Variants in H2BC26 observed in about 807,000 individuals in gnomAD.
H2BC26 encodes H2B clustered histone 26.
chr1:228,458,444 C>A, the H2BC26 span: 6 of 1,614,074 alleles, frequency 3.7e-6, no homozygotes, highest in Non-Finnish European at 5.1e-6. Context: ...TGCTGCCCGG[C>A]GAGCTGGCCA....
chr1:228,458,210 C>G, the H2BC26 span: 1 of 1,614,156 alleles, frequency 6.2e-7, no homozygotes. Flanking sequence ...AGAAGGACGG[C>G]AAGAAGCGCA....
At chr1:228,458,516 T>C in the H2BC26 span, 6 of 1,614,098 alleles carry the variant, frequency 3.7e-6, no homozygotes, top group South Asian at 5.5e-5. Flanking sequence ...AGTGAGGCGT[T>C]CCTCGGCGTC....
the H2BC26 span, chr1:228,458,227 G>A: frequency 6.2e-7 from 1 of 1,614,210 alleles, no homozygotes; most frequent in Non-Finnish European, 8.5e-7. Context: ...CGCAAGCGCG[G>A]CCGCAAGGAG....
the H2BC26 span, chr1:228,458,347 G>T: frequency 2.5e-6 from 4 of 1,614,126 alleles, no homozygotes; most frequent in African/African-American, 1.3e-5. Flanking sequence ...ATCTTCGAGC[G>T]CATCGCCAGC....
chr1:228,458,118 G>A, the H2BC26 span: 5 of 1,575,270 alleles, frequency 3.2e-6, no homozygotes, highest in Middle Eastern at 3.4e-4. Flanking sequence ...TGTTTGGAGA[G>A]ACTCAGCCAT....
chr1:228,458,256 T>C, the H2BC26 span: 2 of 1,614,154 alleles, frequency 1.2e-6, no homozygotes, highest in Non-Finnish European at 1.7e-6. Context: ...TATCTACGTG[T>C]ACAAGGTGCT....
At chr1:228,458,194 C>A in the H2BC26 span, 1 of 1,614,058 alleles carries the variant, frequency 6.2e-7, no homozygotes, top group Non-Finnish European at 8.5e-7. Flanking sequence ...GTCACCAAGG[C>A]ACAGAAGAAG....
At chr1:228,458,515 T>C in the H2BC26 span, 1 of 1,613,984 alleles carries the variant, frequency 6.2e-7, no homozygotes, top group Non-Finnish European at 8.5e-7. Context: ...AAGTGAGGCG[T>C]TCCTCGGCGT....
chr1:228,458,324 C>T, the H2BC26 span: 1 of 1,614,246 alleles, frequency 6.2e-7, no homozygotes, highest in South Asian at 1.1e-5. Flanking sequence ...TCATGAACTC[C>T]TTCGTCAATG....
At chr1:228,458,245 C>T in the H2BC26 span, 2 of 1,614,236 alleles carry the variant, frequency 1.2e-6, no homozygotes. Flanking sequence ...GAGAGCTATT[C>T]TATCTACGTG....
chr1:228,458,367 C>T, the H2BC26 span: 5 of 1,614,112 alleles, frequency 3.1e-6, no homozygotes, highest in Admixed American at 1.7e-5. Context: ...CGAGGCCTCC[C>T]GCCTGGCACA....
At chr1:228,458,218 G>A in the H2BC26 span, 2 of 1,614,172 alleles carry the variant, frequency 1.2e-6, no homozygotes, top group South Asian at 2.2e-5. Flanking sequence ...GGCAAGAAGC[G>A]CAAGCGCGGC....
chr1:228,458,173 C>CT, the H2BC26 span: 13 of 1,613,434 alleles, frequency 8.1e-6, no homozygotes, highest in Non-Finnish European at 1.1e-5. Flanking sequence ...AAGAAGGGTT[C>CT]TAAAAAGGCT....
At chr1:228,458,249 C>T in the H2BC26 span, 2 of 1,614,228 alleles carry the variant, frequency 1.2e-6, no homozygotes, top group Non-Finnish European at 1.7e-6. Context: ...GCTATTCTAT[C>T]TACGTGTACA....
the H2BC26 span, chr1:228,458,292 A>C: frequency 6.2e-7 from 1 of 1,614,238 alleles, no homozygotes; most frequent in South Asian, 1.1e-5. Context: ...CGACACCGGC[A>C]TCTCGTCCAA....
chr1:228,458,201 G>C, the H2BC26 span: 1 of 1,614,126 alleles, frequency 6.2e-7, no homozygotes, highest in Non-Finnish European at 8.5e-7. Context: ...AGGCACAGAA[G>C]AAGGACGGCA....
the H2BC26 span, chr1:228,458,513 C>T: frequency 1.9e-6 from 3 of 1,614,162 alleles, no homozygotes; most frequent in South Asian, 2.2e-5. Context: ...CCAAGTGAGG[C>T]GTTCCTCGGC....
chr1:228,458,459 C>T, the H2BC26 span: 7 of 1,614,182 alleles, frequency 4.3e-6, no homozygotes, highest in Non-Finnish European at 5.9e-6. Context: ...TGGCCAAGCA[C>T]GCCGTGTCCG....
At chr1:228,458,372 G>C in the H2BC26 span, 1 of 1,614,228 alleles carries the variant, frequency 6.2e-7, no homozygotes, top group Admixed American at 1.7e-5. Context: ...CCTCCCGCCT[G>C]GCACACTACA....
Sources: allele counts gnomAD v4.1 joint callset, GRCh38; gene constraint gnomAD v4.1.1; transcripts MANE v1.5; gene names NCBI Gene and HGNC (gene_info 2026-07-23, HGNC 2026-07-21).